DNAH14: variants seen among roughly 807,000 people sequenced by gnomAD.
DNAH14 encodes axonemal beta dynein heavy chain 14.
In DNAH14, 478 loss-of-function variants were observed where a neutral mutation model predicts 520.9. That is an observed-to-expected ratio of 0.92 (90% CI 0.85 to 0.99). The LOEUF is 0.99. DNAH14 is among the 50% of genes least tolerant of loss of function. The pLI, the probability that DNAH14 is intolerant of heterozygous loss-of-function variation, is 0.00. For synonymous variants in DNAH14, 1,581 were observed against 1,757.2 expected (o/e 0.90, Z 2.51); for missense variants, 4,831 against 5,234.5 (o/e 0.92, Z 2.38).
At chr1:225,169,113 C>T (rs778154949) in intron 36 of DNAH14, among the ~76,000 whole-genome samples, 1 of 152,174 alleles carries the variant, frequency 6.6e-6, no homozygotes, top group Admixed American at 6.5e-5. Flanking sequence ...AACTAACAAA[C>T]AGAAAGGACA....
At chr1:225,245,315 A>G (rs901408682) in intron 43 of DNAH14, among the ~76,000 whole-genome samples, 1 of 152,168 alleles carries the variant, frequency 6.6e-6, no homozygotes, top group Non-Finnish European at 1.5e-5. Flanking sequence ...AAGAATGTAT[A>G]TTCTGTAGAT....
intron 67 of DNAH14, 125 bp downstream of exon 67, chr1:225,337,621 A>G (rs2095084166): frequency 2.8e-6 from 2 of 712,488 alleles, no homozygotes; most frequent in Non-Finnish European, 4.8e-6. Context: ...AGACATACAC[A>G]CATATATACT....
In DNAH14 at chr1:225,024,389, A is replaced by G. The variant is rs571181810; in HGVS notation, c.1358+524A>G. On this transcript the variant is annotated intron_variant, in intron 11 of 85. Coordinates refer to ENST00000682510, the MANE Select transcript of DNAH14 (RefSeq NM_001367479.1). ...TACCTTCTAAACACTACTGTTAAAA[A>G]CAAAGCATTTTTCTTATTTTCCACA... 26 of 406,516 alleles carry G rather than the reference A, an allele frequency of 6.4e-5. No individual in the cohort carries two copies. The Admixed American group carries it at 1.5e-3, about 23-fold the overall frequency. The allele number at this position is 406,516 out of a possible 1,614,324, so 25.2% of individuals were successfully genotyped here.
intron 9 of DNAH14, among the ~76,000 whole-genome samples, chr1:225,006,906 T>C (rs1448071494): frequency 1.3e-5 from 2 of 152,196 alleles, no homozygotes; most frequent in Admixed American, 1.3e-4. Flanking sequence ...TCTGCCGATA[T>C]GTGATGTCAC....
At chr1:225,106,915 G>T (rs1465710698) in intron 23 of DNAH14, among the ~76,000 whole-genome samples, 2 of 152,124 alleles carry the variant, frequency 1.3e-5, no homozygotes, top group Non-Finnish European at 2.9e-5. Flanking sequence ...TTGTTCCGTT[G>T]CTGGTGAGGA....
intron 1 of DNAH14, among the ~76,000 whole-genome samples, chr1:224,931,069 A>T (rs1430040551): frequency 1.3e-5 from 2 of 152,186 alleles, no homozygotes; most frequent in African/African-American, 4.8e-5. Context: ...GTGGGACAAG[A>T]TGTGGAGTTG....
Position 225,192,029 on chromosome 1 carries a change from A to G in DNAH14, c.5671-667A>G, listed in dbSNP as rs942926548. Among the ~76,000 whole-genome samples the G allele has an allele frequency of 3.9e-5, 6 of 152,198 alleles. 1 individual carries two copies. The highest frequency in any genetic ancestry group is 3.4e-3 in the Middle Eastern group (1 of 294). On this transcript the variant is annotated intron_variant, in intron 37 of 85. Coordinates refer to ENST00000682510, the MANE Select transcript of DNAH14 (RefSeq NM_001367479.1). ...GGGCCTGCTCTGAGTCTAGTGATCA[A>G]GCTTAAGATGAAAGTTTCAATTCAT...
chr1:225,287,958 C>T (rs2093785680), intron 54 of DNAH14, among the ~76,000 whole-genome samples: 1 of 152,006 alleles, frequency 6.6e-6, no homozygotes, highest in South Asian at 2.1e-4. Context: ...TGGGCCCATA[C>T]TTATATAAAT....
chr1:225,096,601 G>T (rs1055094447), intron 21 of DNAH14, among the ~76,000 whole-genome samples: 2 of 151,978 alleles, frequency 1.3e-5, no homozygotes, highest in South Asian at 4.1e-4. Flanking sequence ...TGAAGAAGAC[G>T]TATAAGTACT....
intron 43 of DNAH14, among the ~76,000 whole-genome samples, chr1:225,251,740 A>T (rs1310936598): frequency 6.6e-6 from 1 of 152,160 alleles, no homozygotes; most frequent in Non-Finnish European, 1.5e-5. Context: ...AAGAAAACAC[A>T]ATTTTTCAAA....
At chr1:225,033,290 G>T (rs1327182738) in intron 11 of DNAH14, among the ~76,000 whole-genome samples, 12 of 152,112 alleles carry the variant, frequency 7.9e-5, no homozygotes, top group Non-Finnish European at 1.8e-4. Flanking sequence ...TCAATCTTCT[G>T]CATATGGCTA....
Position 225,300,967 on chromosome 1 carries a change from A to G in DNAH14, c.8568A>G (p.Arg2856=). ...TGGATTCTATTGCAATGAAAATCAG[A>G]TATCTTACTGAACAATCTGGTCATA... ...VELDSIAMKI[R]YLTEQSGHMD... is the part of the protein sequence containing the mutation. Residue 2856 remains arginine (R), a synonymous_variant, in exon 56 of 86, where the codon AGA becomes AGG. Coordinates refer to ENST00000682510, the MANE Select transcript of DNAH14 (RefSeq NM_001367479.1). The G allele has an allele frequency of 2.6e-6, 4 of 1,551,410 alleles. No homozygotes were observed. The highest frequency in any genetic ancestry group is 2.4e-5 in the South Asian group (2 of 84,032).
At chr1:225,104,606 A>G (rs1022067131) in intron 23 of DNAH14, among the ~76,000 whole-genome samples, 11 of 152,074 alleles carry the variant, frequency 7.2e-5, no homozygotes, top group African/African-American at 2.7e-4. Flanking sequence ...TTCCTGGTTT[A>G]GTCTTGGGAG....
In DNAH14 at chr1:225,199,169, C is replaced by T. The variant is rs559440521; in HGVS notation, c.5887-5014C>T. Among the ~76,000 whole-genome samples, 4 of 152,228 alleles carry T rather than the reference C, an allele frequency of 2.6e-5. No homozygotes were observed. The South Asian group carries it at 8.3e-4, about 32-fold the overall frequency. On this transcript the variant is annotated intron_variant, in intron 38 of 85. Coordinates refer to ENST00000682510, the MANE Select transcript of DNAH14 (RefSeq NM_001367479.1). ...TAACCTTAAATGATCTTTTGTGTTC[C>T]TGTGGTGTCAGTTGTAATATCTACT...
At chr1:224,941,961 C>CT (rs1210324545) in intron 1 of DNAH14, among the ~76,000 whole-genome samples, 2 of 152,098 alleles carry the variant, frequency 1.3e-5, no homozygotes, top group African/African-American at 4.8e-5. Flanking sequence ...CAGCTTTGTT[C>CT]TTTGGCTTAG....
intron 8 of DNAH14, among the ~76,000 whole-genome samples, chr1:224,977,481 GTATAA>G (rs1412477852): frequency 1.3e-5 from 2 of 151,952 alleles, no homozygotes; most frequent in Non-Finnish European, 2.9e-5. Context: ...AAAACTTAAA[GTATAA>G]TAATAATAAT....
intron 43 of DNAH14, among the ~76,000 whole-genome samples, chr1:225,248,690 G>C (rs1488010065): frequency 6.6e-6 from 1 of 152,084 alleles, no homozygotes; most frequent in African/African-American, 2.4e-5. Context: ...AGCTCCCTTA[G>C]CACTCAGATC....
chr1:225,179,843 T>TA (rs1226271897), intron 36 of DNAH14, among the ~76,000 whole-genome samples: 1 of 152,200 alleles, frequency 6.6e-6, no homozygotes, highest in Non-Finnish European at 1.5e-5. Context: ...AGAAAGTTTT[T>TA]AACTCTCCTT....
intron 12 of DNAH14, among the ~76,000 whole-genome samples, chr1:225,042,231 CTT>C (rs2067542690): frequency 6.6e-6 from 1 of 152,160 alleles, no homozygotes; most frequent in African/African-American, 2.4e-5. Flanking sequence ...CAGTAGGTAA[CTT>C]AAGCATAACG....
Sources: gnomAD v4.1 joint callset for allele counts (sites outside exome capture counted in the v4.1 genomes callset) on GRCh38, gnomAD v4.1.1 for gene constraint, MANE v1.5 for transcripts, NCBI Gene and HGNC (gene_info 2026-07-23, HGNC 2026-07-21) for gene names.